CLINT1: variants seen among roughly 807,000 people sequenced by gnomAD.
CLINT1 encodes clathrin interactor 1.
CLINT1 carries 15 observed loss-of-function variants against 70.4 expected under a neutral mutation model. The ratio of observed to expected loss-of-function variants is 0.21; its 90% CI spans 0.14 to 0.33. The LOEUF is 0.33. Ranked by LOEUF, CLINT1 falls within the 10% of genes least tolerant of loss-of-function variation. The pLI, the probability that CLINT1 is intolerant of heterozygous loss-of-function variation, is 1.00. For synonymous variants in CLINT1, 227 were observed against 254.7 expected (o/e 0.89, Z 1.04); for missense variants, 615 against 778.1 (o/e 0.79, Z 2.49).
Position 157,858,916 on chromosome 5 carries a change from C to T in CLINT1, c.41+14G>A, listed in dbSNP as rs1753851867. ...CCACGTGGGCCTCGGCCACAACTGC[C>T]CCCCGATACTCACGCTTTGTCCACC... On this transcript the variant is annotated intron_variant, in intron 1 of 11. Coordinates refer to ENST00000411809, the MANE Select transcript of CLINT1 (RefSeq NM_014666.4). The T allele has an allele frequency of 1.3e-6, 2 of 1,520,270 alleles. No individual in the cohort carries two copies. The highest frequency in any genetic ancestry group is 1.8e-6 in the Non-Finnish European group (2 of 1,121,572). 94.2% of individuals were successfully genotyped at this position (1,520,270 alleles called of 1,614,324 possible).
chr5:157,828,155 G>C (rs1436380519), intron 1 of CLINT1, among the ~76,000 whole-genome samples: 1 of 152,170 alleles, frequency 6.6e-6, no homozygotes, highest in Non-Finnish European at 1.5e-5. Context: ...AGGTGCTGCT[G>C]CTATTATGAC....
chr5:157,837,586 A>G (rs1480916493), intron 1 of CLINT1, among the ~76,000 whole-genome samples: 1 of 152,054 alleles, frequency 6.6e-6, no homozygotes, highest in Admixed American at 6.6e-5. Flanking sequence ...GGCTACAAAG[A>G]TACTACTTAC....
intron 1 of CLINT1, among the ~76,000 whole-genome samples, chr5:157,855,911 G>A (rs1041314107): frequency 1.9e-4 from 29 of 151,726 alleles, no homozygotes; most frequent in African/African-American, 6.3e-4. Flanking sequence ...CTTCAGCCCC[G>A]GGAACAAGAG....
chr5:157,825,850 G>T (rs764194602), intron 1 of CLINT1, among the ~76,000 whole-genome samples: 1 of 151,708 alleles, frequency 6.6e-6, no homozygotes, highest in Non-Finnish European at 1.5e-5. Flanking sequence ...TTCAATAATC[G>T]TTGAATCCAG....
intron 1 of CLINT1, among the ~76,000 whole-genome samples, chr5:157,832,008 G>T (rs1334839766): frequency 6.7e-6 from 1 of 149,920 alleles, no homozygotes; most frequent in Non-Finnish European, 1.5e-5. Context: ...TGTTTTTTAA[G>T]ACAGAGTCTC....
intron 1 of CLINT1, among the ~76,000 whole-genome samples, chr5:157,845,775 C>T (rs1003544513): frequency 6.6e-6 from 1 of 152,080 alleles, no homozygotes; most frequent in Non-Finnish European, 1.5e-5. Flanking sequence ...AGGATGGTCT[C>T]GATCTCCTGA....
At chr5:157,841,780 A>T (rs1753186943) in intron 1 of CLINT1, among the ~76,000 whole-genome samples, 1 of 151,972 alleles carries the variant, frequency 6.6e-6, no homozygotes, top group Non-Finnish European at 1.5e-5. Flanking sequence ...ATCATCACAT[A>T]ATCTGTGAGC....
rs143505159 is a variant in CLINT1 at position 157,822,513 on chromosome 5, T to C, written c.42-4966A>G. On this transcript the variant is annotated intron_variant, in intron 1 of 11. Transcript: ENST00000411809. ...TTTTCTTCCCAGTCTTGGGTATGCC[T>C]TTATCAGCAGCATGAAAATGGACTA... Among the ~76,000 whole-genome samples the C allele has an allele frequency of 4.6e-5, 7 of 152,318 alleles. No individual in the cohort carries two copies. The East Asian group carries it at 1.2e-3, about 25-fold the overall frequency.
chr5:157,815,440 A>AT (rs1762690588), intron 3 of CLINT1, among the ~76,000 whole-genome samples: 1 of 152,222 alleles, frequency 6.6e-6, no homozygotes, highest in Admixed American at 6.5e-5. Flanking sequence ...ACTCCTACAA[A>AT]ACTTTGTGAA....
At chr5:157,806,235 G>T in intron 6 of CLINT1, 123 bp from the exon 7 acceptor site, 1 of 922,790 alleles carries the variant, frequency 1.1e-6, no homozygotes, top group Non-Finnish European at 1.6e-6. Context: ...TTGACTACTT[G>T]ACAGGGATCA....
At chr5:157,824,828 G>A (rs1361110767) in intron 1 of CLINT1, among the ~76,000 whole-genome samples, 3 of 152,136 alleles carry the variant, frequency 2.0e-5, no homozygotes, top group African/African-American at 7.2e-5. Flanking sequence ...TTTCTATTAT[G>A]TCACACTGTA....
At chr5:157,796,142 A>T (rs938978653) in intron 8 of CLINT1, 1 of 152,360 alleles carries the variant, frequency 6.6e-6, no homozygotes. Flanking sequence ...ACTCCATAAA[A>T]GAGTAAATAC....
chr5:157,817,426 G>A lies in CLINT1; in HGVS notation c.146+17C>T. On this transcript the variant is annotated intron_variant, in intron 2 of 11. Coordinates refer to ENST00000411809, the MANE Select transcript of CLINT1 (RefSeq NM_014666.4). The stretch of plus-strand genomic sequence containing the variant: ...CTTTGATTTTTTTCTGCACTGCTGA[G>A]TCAAATTATCACTTACTTGGCAATC... 1 of 1,514,422 alleles carries A rather than the reference G, an allele frequency of 6.6e-7. No individual in the cohort carries two copies. The highest frequency in any genetic ancestry group is 1.2e-5 in the South Asian group (1 of 84,754). The allele number at this position is 1,514,422 out of a possible 1,614,324, so 93.8% of individuals were successfully genotyped here.
chr5:157,854,336 C>A (rs754360626), intron 1 of CLINT1, among the ~76,000 whole-genome samples: 1 of 152,208 alleles, frequency 6.6e-6, no homozygotes, highest in South Asian at 2.1e-4. Context: ...GTAATCCCTG[C>A]GCTTCAGGAT....
At chr5:157,817,600 G>A (rs1762761948) in intron 1 of CLINT1, 53 bp from the exon 2 acceptor site, 1 of 1,188,280 alleles carries the variant, frequency 8.4e-7, no homozygotes, top group Admixed American at 2.0e-5. Flanking sequence ...CATCAAAACT[G>A]AGAAACACAT....
rs375894772 is a variant in CLINT1, at chr5:157,834,108, AAGGCAAGCGGATTGCCT to A, written c.42-16578_42-16562del. Among the ~76,000 whole-genome samples, 940 of 152,172 alleles carry A rather than the reference AAGGCAAGCGGATTGCCT, an allele frequency of 6.2e-3. 9 individuals carry two copies. Among genetic ancestry groups the A allele is most frequent in the African/African-American group, 0.021 (852 of 41,522 alleles). On this transcript the variant is annotated intron_variant, in intron 1 of 11. Coordinates refer to ENST00000411809, the MANE Select transcript of CLINT1 (RefSeq NM_014666.4). ...TGTAATCCTAGCACTTTGGGAGGCC[AAGGCAAGCGGATTGCCT>A]AGGCAAGCGGATTGCCTAAGCTCAG...
At chr5:157,801,876 T>TA (rs1181744403) in intron 8 of CLINT1, among the ~76,000 whole-genome samples, 1 of 151,736 alleles carries the variant, frequency 6.6e-6, no homozygotes, top group East Asian at 1.9e-4. Context: ...AGCATAGACT[T>TA]ACACTTAAAG....
In CLINT1 at chr5:157,852,896, C is replaced by T. The variant is rs75009803; in HGVS notation, c.41+6034G>A. Among the ~76,000 whole-genome samples the T allele has an allele frequency of 9.5e-4, 144 of 152,246 alleles. 2 individuals are homozygous for T. In the East Asian group the frequency reaches 0.025, roughly 27 times the overall value. On this transcript the variant is annotated intron_variant, in intron 1 of 11. Transcript: ENST00000411809. ...TCACATGAAGCGTTAACCTGAAAAA[C>T]ACAGAAGAGTAAACAGTAAAATATG... is the stretch of plus-strand genomic sequence containing the variant.
intron 1 of CLINT1, among the ~76,000 whole-genome samples, chr5:157,832,515 A>T (rs1403892759): frequency 1.3e-5 from 2 of 152,172 alleles, no homozygotes; most frequent in African/African-American, 2.4e-5. Flanking sequence ...TTAGTTCTGC[A>T]CTTAAGAATA....
Sources: gnomAD v4.1 joint callset for allele counts (sites outside exome capture counted in the v4.1 genomes callset) on GRCh38, gnomAD v4.1.1 for gene constraint, MANE v1.5 for transcripts, NCBI Gene and HGNC (gene_info 2026-07-23, HGNC 2026-07-21) for gene names.